ADCY8: variants seen among roughly 807,000 people sequenced by gnomAD.
ADCY8 encodes the protein adenylate cyclase 8, also known as adenylate cyclase type 8.
In ADCY8, 51 loss-of-function variants were observed where a neutral mutation model predicts 119.7. That is an observed-to-expected ratio of 0.43 (90% CI 0.34 to 0.54). The LOEUF (loss-of-function observed/expected upper bound fraction) is 0.54. ADCY8 is among the 20% of genes least tolerant of loss of function. The probability of loss-of-function intolerance (pLI) is 0.03; values close to 1 mark genes in which losing one functional copy is unlikely to be tolerated. For missense variants in ADCY8, 1,383 were observed against 1,598.8 expected (o/e 0.87, Z 2.30); for synonymous variants, 665 against 651.0 (o/e 1.02, Z -0.33).
At chr8:130,869,559 C>T (rs1360132686) in intron 8 of ADCY8, among the ~76,000 whole-genome samples, 2 of 148,080 alleles carry the variant, frequency 1.4e-5, no homozygotes, top group African/African-American at 2.5e-5. Flanking sequence ...GCTCTGTCGC[C>T]CAGGCTGGAG....
chr8:130,981,685 A>T (rs1436704136), intron 2 of ADCY8, among the ~76,000 whole-genome samples: 6 of 152,228 alleles, frequency 3.9e-5, no homozygotes, highest in Non-Finnish European at 5.9e-5. Flanking sequence ...ACTGTCTTTG[A>T]ATCAAGGGTA....
intron 13 of ADCY8, among the ~76,000 whole-genome samples, chr8:130,817,096 A>G (rs1816370883): frequency 6.6e-6 from 1 of 152,236 alleles, no homozygotes; most frequent in South Asian, 2.1e-4. Context: ...AACTGTTTAC[A>G]ATAATCACAT....
chr8:130,909,701 A>G lies in ADCY8; in HGVS notation c.1640+7T>C, dbSNP rs780928657. On this transcript the variant is annotated splice_region_variant and intron_variant, in intron 6 of 17. Coordinates refer to ENST00000286355, the MANE Select transcript of ADCY8 (RefSeq NM_001115.3). ...TTAAGCATGAAAAGGGCTTTGCTTT[A>G]TCTTACCCAGGGATTCCTCCAGATT... 8.1e-6 allele frequency: 13 copies of G among 1,614,098 alleles called. No individual in the cohort carries two copies. The highest frequency in any genetic ancestry group is 1.7e-5 in the Admixed American group (1 of 60,008).
At chr8:130,813,198 G>A (rs1262467510) in intron 14 of ADCY8, among the ~76,000 whole-genome samples, 1 of 152,122 alleles carries the variant, frequency 6.6e-6, no homozygotes, top group Non-Finnish European at 1.5e-5. Flanking sequence ...CCACCCGCCT[G>A]AGCCTCCCAA....
At chr8:130,925,468 G>A (rs1317167482) in intron 5 of ADCY8, among the ~76,000 whole-genome samples, 1 of 152,094 alleles carries the variant, frequency 6.6e-6, no homozygotes, top group Non-Finnish European at 1.5e-5. Flanking sequence ...CGAGGCCATG[G>A]AGGCTATAAG....
rs1190303641 is a variant in ADCY8 at position 131,009,262 on chromosome 8, GC to G, written c.961-18721del. On this transcript the variant is annotated intron_variant, in intron 1 of 17. Coordinates refer to ENST00000286355, the MANE Select transcript of ADCY8 (RefSeq NM_001115.3). ...AATGGTTTCCTGGGGTAGGCCAAGG[GC>G]CCCCCTGCTGCTCTGTGCAGCCTCA... is the stretch of plus-strand genomic sequence containing the variant. Among the ~76,000 whole-genome samples the G allele has an allele frequency of 4.6e-5, 7 of 152,258 alleles. No individual in the cohort carries two copies. In the East Asian group the frequency reaches 1.4e-3, roughly 30 times the overall value.
intron 5 of ADCY8, among the ~76,000 whole-genome samples, chr8:130,932,027 C>G (rs144928959): frequency 6.6e-4 from 101 of 152,282 alleles, no homozygotes; most frequent in African/African-American, 2.3e-3. Flanking sequence ...CATTGTGCCT[C>G]AATCCCTGCT....
At chr8:130,802,755 C>T (rs75076167) in intron 14 of ADCY8, among the ~76,000 whole-genome samples, 2,309 of 152,310 alleles carry the variant, frequency 0.015, 60 homozygotes, top group African/African-American at 0.052. Flanking sequence ...GTTTCTTCTC[C>T]GCTAGATGGT....
intron 1 of ADCY8, among the ~76,000 whole-genome samples, chr8:130,995,529 A>T (rs1204492661): frequency 6.6e-6 from 1 of 152,124 alleles, no homozygotes; most frequent in African/African-American, 2.4e-5. Flanking sequence ...CCTCTTCAAG[A>T]CCATTTTGTA....
chr8:131,029,593 G>A (rs539972486), intron 1 of ADCY8, among the ~76,000 whole-genome samples: 47 of 152,216 alleles, frequency 3.1e-4, no homozygotes, highest in African/African-American at 9.9e-4. Flanking sequence ...TTTGATAATC[G>A]ACAAATACCC....
At chr8:130,784,419 C>T (rs1815186988) in intron 16 of ADCY8, among the ~76,000 whole-genome samples, 1 of 152,180 alleles carries the variant, frequency 6.6e-6, no homozygotes, top group Admixed American at 6.5e-5. Flanking sequence ...AGCATACTTG[C>T]CCTTCCTACC....
At chr8:130,823,164 A>G (rs1305603358) in intron 12 of ADCY8, among the ~76,000 whole-genome samples, 3 of 152,198 alleles carry the variant, frequency 2.0e-5, no homozygotes, top group Admixed American at 2.0e-4. Context: ...AAACACAAAT[A>G]CCTCTTGAAT....
Position 131,039,588 on chromosome 8 carries a change from G to A in ADCY8, c.746C>T (p.Thr249Ile). 2.5e-6 allele frequency: 4 copies of A among 1,613,910 alleles called. No homozygotes were observed. The highest frequency in any genetic ancestry group is 3.4e-6 in the Non-Finnish European group (4 of 1,180,012). ...GATCTGGGTGGTCATGGCCACCCAG[G>A]TGACCACGCCGCTGTACTGCAGGTA... The part of the protein sequence containing the change: ...HTYLQYSGVV[T>I]WVAMTTQILA... The change falls in exon 1 of 18, where the codon ACC becomes ATC. Residue 249 changes from threonine to isoleucine, a missense_variant. Thr to Ile is a moderately conservative substitution (Grantham distance 89). This residue lies in a region of ADCY8 where 455 missense variants were observed against 435.3 expected (regional missense o/e 1.05). Transcript: ENST00000286355.
intron 5 of ADCY8, among the ~76,000 whole-genome samples, chr8:130,930,196 T>G (rs1166962794): frequency 1.3e-5 from 2 of 152,116 alleles, no homozygotes; most frequent in Non-Finnish European, 2.9e-5. Context: ...CCTTTCCTTT[T>G]GTCTTCCTCT....
At chr8:131,000,228 G>C (rs1439431553) in intron 1 of ADCY8, among the ~76,000 whole-genome samples, 1 of 152,138 alleles carries the variant, frequency 6.6e-6, no homozygotes, top group Admixed American at 6.5e-5. Flanking sequence ...AGCAAGACCT[G>C]GCTAGGATCT....
At chr8:130,992,720 A>G (rs1465528112) in intron 1 of ADCY8, among the ~76,000 whole-genome samples, 4 of 152,114 alleles carry the variant, frequency 2.6e-5, no homozygotes, top group Non-Finnish European at 5.9e-5. Context: ...CAGCCAAAAA[A>G]AAATTTTTAA....
At chr8:130,973,735 G>A (rs1375331388) in intron 2 of ADCY8, among the ~76,000 whole-genome samples, 2 of 152,190 alleles carry the variant, frequency 1.3e-5, no homozygotes, top group African/African-American at 2.4e-5. Context: ...AGGAAGGAGG[G>A]CTAACGGCTT....
intron 1 of ADCY8, among the ~76,000 whole-genome samples, chr8:131,033,125 A>G (rs1181042820): frequency 1.3e-5 from 2 of 152,170 alleles, no homozygotes; most frequent in Non-Finnish European, 2.9e-5. Context: ...TATTGTACCT[A>G]TTTGGTGCTG....
At chr8:130,922,741 G>A (rs1402986565) in intron 5 of ADCY8, among the ~76,000 whole-genome samples, 3 of 152,168 alleles carry the variant, frequency 2.0e-5, no homozygotes, top group Non-Finnish European at 2.9e-5. Flanking sequence ...CGCAGACGGG[G>A]TGGTGGCCGG....
Sources: allele counts gnomAD v4.1 joint callset (sites outside exome capture counted in the v4.1 genomes callset), GRCh38; gene constraint gnomAD v4.1.1; regional missense constraint gnomAD v4.1.1; transcripts MANE v1.5; gene names NCBI Gene and HGNC (gene_info 2026-07-23, HGNC 2026-07-21).